The following ULK4 variants were observed in gnomAD, a reference collection of about 807,000 sequenced individuals.
ULK4 encodes the protein inactive serine/threonine-protein kinase ULK4.
Under a neutral mutation model 160.6 loss-of-function variants are expected in ULK4, and 133 were observed. That is an observed-to-expected ratio of 0.83 (90% CI 0.72 to 0.96). The LOEUF is 0.96. Ranked by LOEUF, ULK4 falls within the 40% of genes least tolerant of loss-of-function variation. ULK4 has a pLI of 0.00. For synonymous variants in ULK4, 534 were observed against 539.8 expected (o/e 0.99, Z 0.15); for missense variants, 1,580 against 1,499.5 (o/e 1.05, Z -0.89).
chr3:41,357,573 T>C (rs73831342), intron 35 of ULK4, among the ~76,000 whole-genome samples: 5,933 of 152,250 alleles, frequency 0.039, 309 homozygotes, highest in East Asian at 0.19. Context: ...TGAGAGATCC[T>C]TGGCACTGGA....
At chr3:41,652,842 G>C (rs2034795171) in intron 30 of ULK4, among the ~76,000 whole-genome samples, 2 of 152,164 alleles carry the variant, frequency 1.3e-5, no homozygotes, top group Non-Finnish European at 2.9e-5. Context: ...AAGGGACTCT[G>C]CTGAGTAGTA....
At chr3:41,455,383 G>T in intron 34 of ULK4, 114 bp downstream of exon 34, 1 of 918,148 alleles carries the variant, frequency 1.1e-6, no homozygotes, top group Non-Finnish European at 1.6e-6. Context: ...AAGTTCTTTT[G>T]GCTCTAGTTT....
In ULK4 at chr3:41,824,340, C is replaced by A. The variant is rs190137659; in HGVS notation, c.1765-4834G>T. Reference sequence around the variant, plus strand: ...GGTGCAGGACAGTGGGTGCAGCACACCGAGCATAAGACAAAGCAGGGTGAG... The same window carrying A: ...GGTGCAGGACAGTGGGTGCAGCACAACGAGCATAAGACAAAGCAGGGTGAG... On this transcript the variant is annotated intron_variant, in intron 18 of 36. Transcript: ENST00000301831. Among the ~76,000 whole-genome samples, 473 of 151,972 alleles carry A rather than the reference C, an allele frequency of 3.1e-3. 1 individual carries two copies. The highest frequency in any genetic ancestry group is 0.011 in the African/African-American group (449 of 41,448).
chr3:41,570,088 T>C (rs2087919351), intron 31 of ULK4, among the ~76,000 whole-genome samples: 1 of 152,166 alleles, frequency 6.6e-6, no homozygotes, highest in Non-Finnish European at 1.5e-5. Flanking sequence ...ACACGTGGTT[T>C]CCAAGGCTTA....
intron 18 of ULK4, among the ~76,000 whole-genome samples, chr3:41,828,069 T>A (rs942299239): frequency 1.3e-5 from 2 of 151,340 alleles, no homozygotes; most frequent in Non-Finnish European, 2.9e-5. Flanking sequence ...TCTCAATAGA[T>A]GCAGAAAAGG....
At chr3:41,383,085 T>C (rs1347840120) in intron 35 of ULK4, among the ~76,000 whole-genome samples, 1 of 147,192 alleles carries the variant, frequency 6.8e-6, no homozygotes, top group African/African-American at 2.5e-5. Flanking sequence ...GTATTTTTCT[T>C]TTTCTTTTTT....
At chr3:41,424,993 T>C (rs565447114) in intron 34 of ULK4, among the ~76,000 whole-genome samples, 1 of 151,994 alleles carries the variant, frequency 6.6e-6, no homozygotes, top group Non-Finnish European at 1.5e-5. Flanking sequence ...AATAATAAAC[T>C]TCACTGAGCT....
chr3:41,805,440 T>C (rs1048148536), intron 19 of ULK4, among the ~76,000 whole-genome samples: 2 of 152,350 alleles, frequency 1.3e-5, no homozygotes, highest in East Asian at 3.9e-4. Context: ...CAGGGACAAT[T>C]TGACTTCCTC....
intron 27 of ULK4, among the ~76,000 whole-genome samples, chr3:41,683,896 A>C (rs1391348430): frequency 6.6e-6 from 1 of 152,096 alleles, no homozygotes; most frequent in African/African-American, 2.4e-5. Context: ...TCGTCTGTCT[A>C]TTCAAGCATG....
chr3:41,405,013 C>A (rs1017154236), intron 34 of ULK4, among the ~76,000 whole-genome samples: 2 of 152,130 alleles, frequency 1.3e-5, no homozygotes, highest in Non-Finnish European at 2.9e-5. Context: ...GTTATATTTG[C>A]AGGTTTGTTA....
At chr3:41,379,952 A>C (rs999005914) in intron 35 of ULK4, among the ~76,000 whole-genome samples, 1 of 152,218 alleles carries the variant, frequency 6.6e-6, no homozygotes, top group African/African-American at 2.4e-5. Flanking sequence ...AGGGAAGCCC[A>C]AGTCTTTAGG....
At chr3:41,347,425 A>T (rs943319051) in intron 35 of ULK4, among the ~76,000 whole-genome samples, 1 of 152,222 alleles carries the variant, frequency 6.6e-6, no homozygotes, top group Non-Finnish European at 1.5e-5. Context: ...TTTGTGCTCC[A>T]GCTCTCAAAA....
At chr3:41,491,418 C>A (rs1223266484) in intron 32 of ULK4, among the ~76,000 whole-genome samples, 1 of 151,872 alleles carries the variant, frequency 6.6e-6, no homozygotes, top group Non-Finnish European at 1.5e-5. Flanking sequence ...AACAATACTA[C>A]AAAAATTAAA....
chr3:41,267,489 T>C (rs1366564223), intron 35 of ULK4, among the ~76,000 whole-genome samples: 4 of 152,230 alleles, frequency 2.6e-5, no homozygotes, highest in East Asian at 3.9e-4. Flanking sequence ...TGCATGTGTC[T>C]CTATAGTAGA....
chr3:41,544,684 G>C (rs1476394642), intron 32 of ULK4, among the ~76,000 whole-genome samples: 1 of 152,158 alleles, frequency 6.6e-6, no homozygotes, highest in Non-Finnish European at 1.5e-5. Context: ...ATAAATGCCA[G>C]TACTATTGAC....
chr3:41,323,069 C>G (rs1377430846), intron 35 of ULK4, among the ~76,000 whole-genome samples: 3 of 152,018 alleles, frequency 2.0e-5, no homozygotes, highest in African/African-American at 7.2e-5. Context: ...TCTTGAGTAG[C>G]TGGGATTACA....
intron 32 of ULK4, among the ~76,000 whole-genome samples, chr3:41,512,759 G>T (rs762278912): frequency 1.7e-4 from 26 of 151,754 alleles, no homozygotes; most frequent in Admixed American, 1.2e-3. Context: ...ACTCTTCACA[G>T]AACTAGAAAA....
chr3:41,609,741 G>A (rs1422746704), intron 31 of ULK4, among the ~76,000 whole-genome samples: 1 of 152,122 alleles, frequency 6.6e-6, no homozygotes, highest in Non-Finnish European at 1.5e-5. Flanking sequence ...GAAGGCCAAG[G>A]TGGGAAGTCA....
At chr3:41,544,347 T>C (rs571728863) in intron 32 of ULK4, among the ~76,000 whole-genome samples, 1 of 152,320 alleles carries the variant, frequency 6.6e-6, no homozygotes, top group South Asian at 2.1e-4. Context: ...AATCAGTAAG[T>C]CTTCCACCCT....
Sources: allele counts gnomAD v4.1 joint callset (sites outside exome capture counted in the v4.1 genomes callset), GRCh38; gene constraint gnomAD v4.1.1; transcripts MANE v1.5; gene names NCBI Gene and HGNC (gene_info 2026-07-23, HGNC 2026-07-21).